CTNNA3: variants seen among roughly 807,000 people sequenced by gnomAD.
The protein encoded by CTNNA3 is catenin alpha 3.
A neutral mutation model predicts 95.7 loss-of-function variants in CTNNA3; 76 were observed. The observed-to-expected ratio is 0.79, with a 90% CI of 0.66 to 0.96. The LOEUF (loss-of-function observed/expected upper bound fraction) is 0.96, where lower values mean the gene tolerates loss of function less well. Among genes scored for constraint, CTNNA3 ranks in the 40% least tolerant of loss-of-function variants. The pLI, the probability that CTNNA3 is intolerant of heterozygous loss-of-function variation, is 0.00. For missense variants in CTNNA3, 1,191 were observed against 1,089.8 expected, an observed-to-expected ratio of 1.09 and a Z score of -1.31; for synonymous variants, 431 against 374.4, an observed-to-expected ratio of 1.15 and a Z score of -1.74.
At chr10:66,094,900 G>A (rs2081336942) in intron 14 of CTNNA3, among the ~76,000 whole-genome samples, 1 of 152,138 alleles carries the variant, frequency 6.6e-6, no homozygotes, top group Non-Finnish European at 1.5e-5. Context: ...ACCAGAACAT[G>A]TTGTATGATT....
intron 10 of CTNNA3, among the ~76,000 whole-genome samples, chr10:66,548,718 T>C (rs1442320574): frequency 1.3e-5 from 2 of 152,112 alleles, no homozygotes; most frequent in Non-Finnish European, 2.9e-5. Flanking sequence ...CAATTAAAAA[T>C]CAATTACAAC....
intron 5 of CTNNA3, among the ~76,000 whole-genome samples, chr10:67,459,964 C>T (rs1425454120): frequency 1.3e-5 from 2 of 152,238 alleles, no homozygotes; most frequent in Middle Eastern, 3.4e-3. Context: ...TTATGACTTG[C>T]TTTTCTCACA....
intron 7 of CTNNA3, among the ~76,000 whole-genome samples, chr10:66,824,622 C>A (rs1049845255): frequency 5.3e-5 from 8 of 152,082 alleles, no homozygotes; most frequent in African/African-American, 1.9e-4. Context: ...ATGACCTTTT[C>A]TTTTAAATTG....
intron 11 of CTNNA3, among the ~76,000 whole-genome samples, chr10:66,395,619 T>C (rs531834913): frequency 1.6e-3 from 245 of 152,146 alleles, no homozygotes; most frequent in Non-Finnish European, 3.2e-3. Context: ...TCTGTACTTA[T>C]TATTTACCTT....
At chr10:67,233,664 A>G (rs1589062346) in intron 5 of CTNNA3, among the ~76,000 whole-genome samples, 1 of 149,652 alleles carries the variant, frequency 6.7e-6, no homozygotes, top group Non-Finnish European at 1.5e-5. Context: ...CTAAAATCAG[A>G]GCAGAACTGA....
intron 10 of CTNNA3, among the ~76,000 whole-genome samples, chr10:66,616,981 T>C (rs1485560656): frequency 6.6e-6 from 1 of 151,998 alleles, no homozygotes; most frequent in Admixed American, 6.6e-5. Flanking sequence ...TATAGAATGA[T>C]TTATCATTCT....
intron 7 of CTNNA3, among the ~76,000 whole-genome samples, chr10:66,883,879 T>C (rs111942069): frequency 1.3e-5 from 2 of 152,234 alleles, no homozygotes; most frequent in African/African-American, 4.8e-5. Context: ...GTTCATTATG[T>C]GTTGCTAAAA....
chr10:67,437,711 G>T (rs982719496), intron 5 of CTNNA3, among the ~76,000 whole-genome samples: 1 of 151,796 alleles, frequency 6.6e-6, no homozygotes, highest in Non-Finnish European at 1.5e-5. Context: ...TATTTTTAAG[G>T]TTGATGTGGT....
At chr10:66,911,064 T>C (rs1267912954) in intron 7 of CTNNA3, among the ~76,000 whole-genome samples, 1 of 152,226 alleles carries the variant, frequency 6.6e-6, no homozygotes, top group Non-Finnish European at 1.5e-5. Flanking sequence ...AACTTTCTAC[T>C]TAAAATATTA....
rs745574300 is a variant in CTNNA3 at position 66,520,603 on chromosome 10, G to T, written c.1531+14C>A. Reference sequence around the variant, plus strand: ...ACAAGAGAAAATAAACAAATTAAAAGAATAAAAACATACCAGATACAGCAA... The same window carrying T: ...ACAAGAGAAAATAAACAAATTAAAATAATAAAAACATACCAGATACAGCAA... On this transcript the variant is annotated intron_variant, in intron 11 of 17. Transcript: ENST00000433211. 1.9e-6 allele frequency: 3 copies of T among 1,588,806 alleles called. No homozygotes were observed. The highest frequency in any genetic ancestry group is 2.6e-6 in the Non-Finnish European group (3 of 1,166,690).
chr10:67,115,015 C>T (rs1360185607), intron 7 of CTNNA3, among the ~76,000 whole-genome samples: 4 of 152,032 alleles, frequency 2.6e-5, no homozygotes, highest in South Asian at 2.1e-4. Context: ...CATGTCTTGT[C>T]GTATGCCATT....
At chr10:67,091,746 T>C (rs79964496) in intron 7 of CTNNA3, among the ~76,000 whole-genome samples, 1 of 152,016 alleles carries the variant, frequency 6.6e-6, no homozygotes. Flanking sequence ...TGGCAAATCA[T>C]GGGACATTTG....
intron 7 of CTNNA3, among the ~76,000 whole-genome samples, chr10:66,912,973 C>T (rs893671547): frequency 1.1e-4 from 17 of 152,170 alleles, no homozygotes; most frequent in African/African-American, 3.6e-4. Context: ...GGCGCGGTGG[C>T]TCATGCCTGT....
intron 5 of CTNNA3, among the ~76,000 whole-genome samples, chr10:67,497,023 G>A (rs1232693644): frequency 6.6e-6 from 1 of 152,046 alleles, no homozygotes; most frequent in Non-Finnish European, 1.5e-5. Context: ...ATGGTGGTTT[G>A]CTGCACCCTT....
chr10:66,660,202 A>G (rs1386940392), intron 9 of CTNNA3, among the ~76,000 whole-genome samples: 1 of 152,118 alleles, frequency 6.6e-6, no homozygotes, highest in East Asian at 1.9e-4. Flanking sequence ...TGCTCATACA[A>G]CTGGTGACTG....
intron 7 of CTNNA3, among the ~76,000 whole-genome samples, chr10:67,058,485 C>A (rs565773456): frequency 6.6e-6 from 1 of 152,242 alleles, no homozygotes; most frequent in East Asian, 1.9e-4. Context: ...AAGTAAATTA[C>A]AGCATTTTGA....
chr10:67,180,724 G>A (rs1862498938), intron 6 of CTNNA3, among the ~76,000 whole-genome samples: 1 of 152,122 alleles, frequency 6.6e-6, no homozygotes, highest in Non-Finnish European at 1.5e-5. Flanking sequence ...ATGAGCTTTT[G>A]TTCTAGCCTC....
At chr10:67,171,501 G>A (rs1359581153) in intron 7 of CTNNA3, among the ~76,000 whole-genome samples, 1 of 150,122 alleles carries the variant, frequency 6.7e-6, no homozygotes, top group Admixed American at 6.6e-5. Context: ...TTGAACCTGG[G>A]AGTCAGAGGT....
chr10:66,229,146 A>C (rs904484264), intron 13 of CTNNA3, among the ~76,000 whole-genome samples: 1 of 152,090 alleles, frequency 6.6e-6, no homozygotes, highest in Admixed American at 6.5e-5. Context: ...GATTTTATTG[A>C]ATGTTGAGAA....
Sources: allele counts gnomAD v4.1 joint callset (sites outside exome capture counted in the v4.1 genomes callset), GRCh38; gene constraint gnomAD v4.1.1; transcripts MANE v1.5; gene names NCBI Gene and HGNC (gene_info 2026-07-23, HGNC 2026-07-21).